AFTPH: variants seen among roughly 807,000 people sequenced by gnomAD.
The protein encoded by AFTPH is aftiphilin, also known as aftiphilin protein.
Under a neutral mutation model 72.5 loss-of-function variants are expected in AFTPH, and 7 were observed. That is an observed-to-expected ratio of 0.10 (90% CI 0.05 to 0.18). The LOEUF (loss-of-function observed/expected upper bound fraction) is 0.18, where lower values mean the gene tolerates loss of function less well. Ranked by LOEUF, AFTPH falls within the 10% of genes least tolerant of loss-of-function variation. The pLI, the probability that AFTPH is intolerant of heterozygous loss-of-function variation, is 1.00. For missense variants in AFTPH, 979 were observed against 1,060.5 expected, an observed-to-expected ratio of 0.92 and a Z score of 1.07; for synonymous variants, 337 against 370.1, an observed-to-expected ratio of 0.91 and a Z score of 1.03.
chr2:64,526,105 C>G (rs951712505), intron 1 of AFTPH, among the ~76,000 whole-genome samples: 1 of 152,148 alleles, frequency 6.6e-6, no homozygotes, highest in African/African-American at 2.4e-5. Flanking sequence ...ATCTTTTGAC[C>G]TAGAGACTGT....
chr2:64,578,558 AT>A (rs11366274), intron 6 of AFTPH, among the ~76,000 whole-genome samples: 61,468 of 146,132 alleles, frequency 0.42, 12,595 homozygotes, highest in South Asian at 0.45. Flanking sequence ...GGAATAGTGA[AT>A]TTTTTTTTTT....
intron 1 of AFTPH, among the ~76,000 whole-genome samples, chr2:64,525,045 A>C (rs1309002458): frequency 6.6e-6 from 1 of 152,108 alleles, no homozygotes; most frequent in African/African-American, 2.4e-5. Flanking sequence ...TGCCTCCTTC[A>C]CCGAGGCCCG....
intron 2 of AFTPH, among the ~76,000 whole-genome samples, chr2:64,563,160 TTTG>T (rs1331900069): frequency 6.6e-6 from 1 of 152,218 alleles, no homozygotes; most frequent in Non-Finnish European, 1.5e-5. Flanking sequence ...GCAAAGTTCC[TTTG>T]TACTCATAAG....
At chr2:64,559,322 TAG>T (rs747367618) in intron 2 of AFTPH, among the ~76,000 whole-genome samples, 1 of 151,746 alleles carries the variant, frequency 6.6e-6, no homozygotes, top group Non-Finnish European at 1.5e-5. Flanking sequence ...GTGGAGGTAG[TAG>T]AGAGAGAGAG....
At chr2:64,581,322 G>A in intron 7 of AFTPH, 49 bp downstream of exon 8, 1 of 1,467,174 alleles carries the variant, frequency 6.8e-7, no homozygotes, top group Non-Finnish European at 9.3e-7. Context: ...CTAAAAGCAT[G>A]ACCACATCAC....
At chr2:64,529,315 G>GT (rs33964756) in intron 1 of AFTPH, among the ~76,000 whole-genome samples, 16,937 of 145,882 alleles carry the variant, frequency 0.12, 2,618 homozygotes, top group African/African-American at 0.34. Context: ...CCTTTTTGAA[G>GT]TTTTTTTTTT....
chr2:64,592,069 CT>C, exon 9 of AFTPH: 1 of 1,573,468 alleles, frequency 6.4e-7, no homozygotes, highest in Non-Finnish European at 8.7e-7. Context: ...ATTGCTTTTC[CT>C]TTTTTCCATC....
In AFTPH at chr2:64,538,017, A is replaced by G. The variant is rs576201747; in HGVS notation, c.-33+13405A>G. 8.6e-4 allele frequency among the ~76,000 whole-genome samples: 131 copies of G among 152,300 alleles called. 1 individual carries two copies. The highest frequency in any genetic ancestry group is 1.4e-3 in the Non-Finnish European group (98 of 68,016). Reference sequence around the variant, plus strand: ...AACCTATTTCTGGTTTGTAAAATCAATTTAAGAGGGTCATGACCAGCTTTT... The same window carrying G: ...AACCTATTTCTGGTTTGTAAAATCAGTTTAAGAGGGTCATGACCAGCTTTT... On this transcript the variant is annotated intron_variant, in intron 1 of 8. Coordinates refer to ENST00000238856, the Ensembl canonical transcript of AFTPH.
chr2:64,580,948 C>T, intron 7 of AFTPH: 1 of 285,852 alleles, frequency 3.5e-6, no homozygotes, highest in Non-Finnish European at 6.6e-6. Context: ...CTAAGTGTTA[C>T]ATTCTTTACA....
At chr2:64,579,435 G>A (rs771689359) in intron 6 of AFTPH, 51 bp from the exon 7 acceptor site, 76 of 1,418,200 alleles carry the variant, frequency 5.4e-5, no homozygotes, top group Middle Eastern at 1.8e-4. Context: ...GATTCTTTAC[G>A]TTGCTACAAC....
intron 2 of AFTPH, among the ~76,000 whole-genome samples, chr2:64,559,037 A>G (rs1302895238): frequency 6.6e-6 from 1 of 152,228 alleles, no homozygotes; most frequent in Non-Finnish European, 1.5e-5. Context: ...GCCAGGAATC[A>G]GTTGTTTTTC....
At chr2:64,559,749 G>T (rs182570823) in intron 2 of AFTPH, among the ~76,000 whole-genome samples, 1 of 152,096 alleles carries the variant, frequency 6.6e-6, no homozygotes, top group Non-Finnish European at 1.5e-5. Context: ...CCGTTGCCCA[G>T]CCTGGAGTGT....
intron 8 of AFTPH, 25 bp from the exon 10 acceptor site, chr2:64,591,863 T>C (rs759823953): frequency 6.2e-7 from 1 of 1,612,844 alleles, no homozygotes. Flanking sequence ...ATTAACACAC[T>C]TGTCTTTTTT....
chr2:64,539,872 C>CT (rs1453206300), intron 1 of AFTPH, among the ~76,000 whole-genome samples: 1 of 152,132 alleles, frequency 6.6e-6, no homozygotes, highest in African/African-American at 2.4e-5. Context: ...AGGCACATCT[C>CT]TTTCAAGAAG....
chr2:64,564,839 A>G (rs950622713), intron 2 of AFTPH, among the ~76,000 whole-genome samples: 1 of 147,638 alleles, frequency 6.8e-6, no homozygotes, highest in African/African-American at 2.5e-5. Flanking sequence ...AAATTGATAC[A>G]CTTTTTTTTT....
chr2:64,587,533 C>CA (rs1254476899), intron 8 of AFTPH, among the ~76,000 whole-genome samples: 1 of 152,024 alleles, frequency 6.6e-6, no homozygotes, highest in Non-Finnish European at 1.5e-5. Flanking sequence ...AAGTAAACTG[C>CA]AAAAAATAAA....
At chr2:64,532,542 A>G (rs1041303908) in intron 1 of AFTPH, among the ~76,000 whole-genome samples, 2 of 152,184 alleles carry the variant, frequency 1.3e-5, no homozygotes, top group African/African-American at 2.4e-5. Flanking sequence ...ATCATTTGTT[A>G]CAGATATTAA....
intron 8 of AFTPH, among the ~76,000 whole-genome samples, chr2:64,589,642 A>G (rs1033232579): frequency 2.0e-5 from 3 of 152,168 alleles, no homozygotes; most frequent in Non-Finnish European, 2.9e-5. Flanking sequence ...AAATAAGGCA[A>G]TTGTTTAAAA....
chr2:64,553,372 C>T (rs1418134816), exon 2 of AFTPH: 1 of 1,600,160 alleles, frequency 6.2e-7, no homozygotes, highest in Non-Finnish European at 8.5e-7. Flanking sequence ...GGAGCAGTTG[C>T]TAGTGGCCAT....
Sources: gnomAD v4.1 joint callset for allele counts (sites outside exome capture counted in the v4.1 genomes callset) on GRCh38, gnomAD v4.1.1 for gene constraint, MANE v1.5 for transcripts, NCBI Gene and HGNC (gene_info 2026-07-23, HGNC 2026-07-21) for gene names.